EARS2: variants seen among roughly 807,000 people sequenced by gnomAD.
The protein encoded by EARS2 is glutamyl-tRNA synthetase 2, mitochondrial, also known as nondiscriminating glutamyl-tRNA synthetase EARS2, mitochondrial.
Under a neutral mutation model 54.1 loss-of-function variants are expected in EARS2, and 50 were observed. The ratio of observed to expected loss-of-function variants is 0.92; its 90% CI spans 0.74 to 1.17. The LOEUF is 1.17. Among genes scored for constraint, EARS2 ranks in the 50% most tolerant of loss-of-function variants. The probability of loss-of-function intolerance (pLI) is 0.00; values close to 1 mark genes in which losing one functional copy is unlikely to be tolerated. For missense variants in EARS2, 673 were observed against 675.0 expected (o/e 1.00, Z 0.03); for synonymous variants, 298 against 281.0 (o/e 1.06, Z -0.61).
chr16:23,532,095 G>C (rs529949585), intron 5 of EARS2, among the ~76,000 whole-genome samples: 1 of 152,222 alleles, frequency 6.6e-6, no homozygotes, highest in South Asian at 2.1e-4. Flanking sequence ...TTAAAGGTGT[G>C]AGCCGCCACA....
intron 5 of EARS2, 158 bp downstream of exon 5, chr16:23,532,499 C>T: frequency 1.8e-6 from 1 of 552,124 alleles, no homozygotes; most frequent in South Asian, 2.6e-5. Context: ...TTATTAATCC[C>T]ATTTTAGAGA....
intron 8 of EARS2, 82 bp downstream of exon 8, chr16:23,525,162 G>A (rs771932547): frequency 6.3e-7 from 1 of 1,592,008 alleles, no homozygotes; most frequent in South Asian, 1.1e-5. Context: ...TCAATATTGA[G>A]CTCAGTGCCT....
At chr16:23,556,697 CCTT>C (rs1965793202) in intron 1 of EARS2, 1 of 357,174 alleles carries the variant, frequency 2.8e-6, no homozygotes, top group Non-Finnish European at 5.5e-6. Context: ...ATAGCGTGCT[CCTT>C]CTTGTCATTT....
At chr16:23,536,132 CCTA>C (rs1264193922) in intron 3 of EARS2, among the ~76,000 whole-genome samples, 1 of 152,198 alleles carries the variant, frequency 6.6e-6, no homozygotes, top group African/African-American at 2.4e-5. Context: ...CCACCCCAGA[CCTA>C]CTGAGTCAGA....
chr16:23,545,326 C>A (rs559794892), intron 2 of EARS2: 1 of 143,744 alleles, frequency 7.0e-6, no homozygotes, highest in Non-Finnish European at 1.5e-5. Flanking sequence ...GGCCTGGGAA[C>A]AGCTGACTTA....
At chr16:23,528,532 G>A (rs1404129007) in intron 7 of EARS2, among the ~76,000 whole-genome samples, 1 of 152,238 alleles carries the variant, frequency 6.6e-6, no homozygotes, top group African/African-American at 2.4e-5. Flanking sequence ...TCGAGAGGGA[G>A]TCCCAGAGCA....
At chr16:23,527,116 C>T (rs192561436) in intron 7 of EARS2, among the ~76,000 whole-genome samples, 85 of 152,238 alleles carry the variant, frequency 5.6e-4, no homozygotes, top group African/African-American at 1.9e-3. Flanking sequence ...GCACCCACCA[C>T]GATGCCTGGC....
In EARS2 at chr16:23,524,409, C is replaced by T. The variant is rs1597004842; in HGVS notation, c.1534G>A (p.Glu512Lys). 1.2e-6 allele frequency: 2 copies of T among 1,614,166 alleles called. No homozygotes were observed. The highest frequency in any genetic ancestry group is 1.3e-5 in the African/African-American group (1 of 75,034). ...AEMMLALGPK[E>K]VRERIQKVVS... ...ACCTTCTGGATCCGTTCCCGTACTT[C>T]CTTTGGTCCCAAGGCCAACATCATC... Residue 512 changes from glutamate to lysine, a missense_variant, in exon 9 of 9, where the codon GAA (glutamate) becomes AAA (lysine). Coordinates refer to ENST00000449606, the MANE Select transcript of EARS2 (RefSeq NM_001083614.2).
chr16:23,532,540 G>C lies in EARS2; in HGVS notation c.1067+117C>G, dbSNP rs1163348482. 4.7e-6 allele frequency: 3 copies of C among 642,674 alleles called. No individual in the cohort carries two copies. The African/African-American group carries it at 5.5e-5, about 12-fold the overall frequency. The allele number at this position is 642,674 out of a possible 1,614,324, so 39.8% of individuals were successfully genotyped here. The stretch of plus-strand genomic sequence containing the variant: ...AAACAGAGGCTCAAAGAGGCTAGGT[G>C]ATTTAGCCATGGTCACACAGAATTA... On this transcript the variant is annotated intron_variant, in intron 5 of 8. Transcript: ENST00000449606.
In EARS2 at chr16:23,535,352, T is replaced by C. The variant is rs376918203; in HGVS notation, c.494A>G (p.Asn165Ser). 7 of 1,598,224 alleles carry C rather than the reference T, an allele frequency of 4.4e-6. No individual in the cohort carries two copies. Among genetic ancestry groups the C allele is most frequent in the African/African-American group, 1.3e-5 (1 of 74,856 alleles). ...LRNHQTPRYD[N>S]RCRNMSQEQV... ...CTCCTGGCTCATGTTCCTGCACCGA[T>C]TGTCATACCTGATGGGGAGCAGAGC... The change falls in exon 4 of 9, where the codon AAT becomes AGT. Residue 165 changes from asparagine (N) to serine (S), a missense_variant. Physicochemically the swap from Asn to Ser is conservative, Grantham distance 46. This residue lies in a region of EARS2 where 316 missense variants were observed against 275.2 expected (regional missense o/e 1.15). Coordinates refer to ENST00000449606, the MANE Select transcript of EARS2 (RefSeq NM_001083614.2).
intron 3 of EARS2, among the ~76,000 whole-genome samples, chr16:23,540,284 C>T (rs1448080946): frequency 6.6e-6 from 1 of 152,114 alleles, no homozygotes; most frequent in Non-Finnish European, 1.5e-5. Context: ...GATCATGCTA[C>T]TGCACTCCAG....
At chr16:23,543,526 T>C (rs2142183408) in intron 3 of EARS2, among the ~76,000 whole-genome samples, 1 of 151,510 alleles carries the variant, frequency 6.6e-6, no homozygotes, top group African/African-American at 2.4e-5. Flanking sequence ...GAAAGGTGGA[T>C]CACCTGAGGT....
rs1192543225 is a variant in EARS2, at chr16:23,544,696, C to T, written c.303G>A (p.Pro101=). ...CGCCCCGGCGGGGGCTCTCATCAGG[C>T]GGGATGCCTGGAACACAGGGAATAA... ...IEDMLEWAGI[P]PDESPRRGGP... The change falls in exon 3 of 9, where the codon CCG becomes CCA. Residue 101 remains proline (P), a synonymous_variant. Coordinates refer to ENST00000449606, the MANE Select transcript of EARS2 (RefSeq NM_001083614.2). 8.7e-6 allele frequency: 14 copies of T among 1,600,430 alleles called. No homozygotes were observed. Among genetic ancestry groups the T allele is most frequent in the African/African-American group, 1.3e-5 (1 of 74,868 alleles).
intron 1 of EARS2, among the ~76,000 whole-genome samples, chr16:23,553,367 G>A (rs1965726940): frequency 6.6e-6 from 1 of 152,116 alleles, no homozygotes; most frequent in Admixed American, 6.5e-5. Context: ...GTTATTCATT[G>A]AGGCCATATC....
At chr16:23,531,167 G>A (rs750722747) in intron 5 of EARS2, among the ~76,000 whole-genome samples, 8 of 151,660 alleles carry the variant, frequency 5.3e-5, no homozygotes, top group South Asian at 2.1e-4. Context: ...AAAATGCTGC[G>A]ACTACAGGCA....
At chr16:23,536,323 G>C (rs1965417046) in intron 3 of EARS2, among the ~76,000 whole-genome samples, 1 of 152,156 alleles carries the variant, frequency 6.6e-6, no homozygotes, top group Non-Finnish European at 1.5e-5. Context: ...TGGTGCACAG[G>C]GCTGGACACA....
At chr16:23,536,712 T>G (rs1965425699) in intron 3 of EARS2, among the ~76,000 whole-genome samples, 1 of 144,494 alleles carries the variant, frequency 6.9e-6, no homozygotes, top group Non-Finnish European at 1.5e-5. Context: ...AGATAGAGTC[T>G]CGCTGTGTCA....
chr16:23,534,989 G>C lies in EARS2; in HGVS notation c.857C>G (p.Ser286Cys), dbSNP rs772521337. The C allele has an allele frequency of 6.2e-6, 10 of 1,612,768 alleles. No homozygotes were observed. The Admixed American group carries it at 1.5e-4, about 24-fold the overall frequency. Residue 286 changes from serine to cysteine, a missense_variant, in exon 4 of 9, where the codon TCC (serine) becomes TGC (cysteine). Ser to Cys is a moderately radical substitution (Grantham distance 112). This residue lies in a region of EARS2 where 338 missense variants were observed against 361.2 expected (regional missense o/e 0.94). Transcript: ENST00000449606. The part of the protein sequence containing the change: ...LLLNRDGSKL[S>C]KRQGDVFLEH... Reference sequence around the variant, plus strand: ...CAGGAAAACGTCCCCTTGCCTCTTGGAGAGCTTGCTGCCATCCCTGTTGAG... The same window carrying C: ...CAGGAAAACGTCCCCTTGCCTCTTGCAGAGCTTGCTGCCATCCCTGTTGAG...
Position 23,552,191 on chromosome 16 carries a change from G to C in EARS2, c.253C>G (p.Pro85Ala), listed in dbSNP as rs373677703. 1 of 1,614,106 alleles carries C rather than the reference G, an allele frequency of 6.2e-7. No individual in the cohort carries two copies. The highest frequency in any genetic ancestry group is 2.2e-5 in the East Asian group (1 of 44,880). Reference protein sequence around the residue: ...LEDTDQTRVVPGAAENIEDML... With the variant: ...LEDTDQTRVVAGAAENIEDML... ...TCCTCAATATTCTCCGCTGCCCCAG[G>C]CACAACGCGAGTCTGATCTGTGTCC... is the stretch of plus-strand genomic sequence containing the variant. The change falls in exon 2 of 9, where the codon CCT (proline) becomes GCT (alanine). Residue 85 changes from proline to alanine, a missense_variant. Around this residue, in one of 3 missense-constraint regions of EARS2, gnomAD observed 316 missense variants for 275.2 expected, o/e 1.15. Transcript: ENST00000449606.
Sources: allele counts gnomAD v4.1 joint callset (sites outside exome capture counted in the v4.1 genomes callset), GRCh38; gene constraint gnomAD v4.1.1; regional missense constraint gnomAD v4.1.1; transcripts MANE v1.5; gene names NCBI Gene and HGNC (gene_info 2026-07-23, HGNC 2026-07-21).